MCF2L: variants seen among roughly 807,000 people sequenced by gnomAD.
The protein encoded by MCF2L is MCF.2 cell line derived transforming sequence like.
MCF2L carries 97 observed loss-of-function variants against 153.4 expected under a neutral mutation model. The observed-to-expected ratio is 0.63, with a 90% CI of 0.54 to 0.75. The LOEUF is 0.75. Among genes scored for constraint, MCF2L ranks in the 30% least tolerant of loss-of-function variants. The pLI, the probability that MCF2L is intolerant of heterozygous loss-of-function variation, is 0.00. For synonymous variants in MCF2L, 659 were observed against 632.2 expected, an observed-to-expected ratio of 1.04 and a Z score of -0.64; for missense variants, 1,347 against 1,495.2, an observed-to-expected ratio of 0.90 and a Z score of 1.64.
chr13:112,974,495 A>C (rs2140856942), intron 1 of MCF2L, among the ~76,000 whole-genome samples: 1 of 152,244 alleles, frequency 6.6e-6, no homozygotes, highest in East Asian at 1.9e-4. Flanking sequence ...TTGGGTGTGG[A>C]AAGTGCATGG....
Position 113,079,786 on chromosome 13 carries a change from C to T in MCF2L, c.1808+1047C>T, listed in dbSNP as rs201150377. 3.8e-3 allele frequency among the ~76,000 whole-genome samples: 558 copies of T among 148,186 alleles called. 13 individuals carry two copies. Among genetic ancestry groups the T allele is most frequent in the East Asian group, 0.012 (59 of 4,778 alleles). On this transcript the variant is annotated intron_variant, in intron 15 of 29. Coordinates refer to ENST00000535094, the MANE Select transcript of MCF2L (RefSeq NM_001112732.3). ...GGGTCCAAGCAGAGGGGCGTCTGCA[C>T]GGAGGAGGGTCCAGGCAGAGGAATG...
At position 112,993,211 on chromosome 13, in the gene MCF2L, G is replaced by A. The variant is rs959060241; in HGVS notation, c.80-21552G>A. Reference sequence around the variant, plus strand: ...GGGGAGGATCTGGTGATGGAGACACGATGGCACAGCCCCGGTGAAGCCACG... The same window carrying A: ...GGGGAGGATCTGGTGATGGAGACACAATGGCACAGCCCCGGTGAAGCCACG... On this transcript the variant is annotated intron_variant, in intron 1 of 29. Coordinates refer to ENST00000535094, the MANE Select transcript of MCF2L (RefSeq NM_001112732.3). The surrounding 1 kb of genome is among the most constrained non-coding windows in gnomAD (Gnocchi z 4.6). Among the ~76,000 whole-genome samples, 1 of 152,252 alleles carries A rather than the reference G, an allele frequency of 6.6e-6. No individual in the cohort carries two copies. Among genetic ancestry groups the A allele is most frequent in the Non-Finnish European group, 1.5e-5 (1 of 68,048 alleles).
At position 113,081,292 on chromosome 13, in the gene MCF2L, T is replaced by A. The variant is rs745653602; in HGVS notation, c.1875+13T>A. On this transcript the variant is annotated intron_variant, in intron 16 of 29. Transcript: ENST00000535094. ...GTGCGTCCTGGAGGTGAGGCTGGAC[T>A]CGGGGAGGGCCGACTGCCACGGGGA... The A allele has an allele frequency of 1.4e-4, 214 of 1,576,714 alleles. No homozygotes were observed. The highest frequency in any genetic ancestry group is 1.8e-4 in the Non-Finnish European group (206 of 1,162,630).
intron 3 of MCF2L, chr13:113,026,928 G>T (rs762877208): frequency 3.6e-5 from 28 of 773,696 alleles, no homozygotes; most frequent in Middle Eastern, 2.2e-4. Context: ...GAGGGGTGCC[G>T]CGGGGGTCTC....
chr13:112,965,802 C>T (rs1196713993), upstream of MCF2L: 3 of 152,218 alleles, frequency 2.0e-5, no homozygotes, highest in Non-Finnish European at 2.9e-5. Context: ...TACCTTCAGC[C>T]TCCCTCCTGG....
chr13:112,935,140 T>C (rs955761542), intron 2 of MCF2L, among the ~76,000 whole-genome samples: 7 of 152,234 alleles, frequency 4.6e-5, no homozygotes, highest in Non-Finnish European at 7.3e-5. Flanking sequence ...GGATTTAATT[T>C]TTTGACATTA....
At chr13:113,055,267 A>G (rs1463779174) in intron 4 of MCF2L, among the ~76,000 whole-genome samples, 1 of 151,720 alleles carries the variant, frequency 6.6e-6, no homozygotes, top group Non-Finnish European at 1.5e-5. Flanking sequence ...AGAGGGGGTC[A>G]TGTTTGATGC....
At chr13:112,936,279 C>CA (rs34826552) in intron 2 of MCF2L, among the ~76,000 whole-genome samples, 15,552 of 73,912 alleles carry the variant, frequency 0.21, 1,646 homozygotes, top group South Asian at 0.23. Flanking sequence ...GACTCTGTCT[C>CA]AAAAAAAAAA....
chr13:113,058,930 G>C, intron 4 of MCF2L, among the ~76,000 whole-genome samples: 1 of 152,090 alleles, frequency 6.6e-6, no homozygotes, highest in East Asian at 1.9e-4. Flanking sequence ...TTTGGGTGCT[G>C]AGTGTTTCGG....
chr13:113,005,944 C>A (rs1054067897), intron 1 of MCF2L, among the ~76,000 whole-genome samples: 1 of 152,206 alleles, frequency 6.6e-6, no homozygotes, highest in East Asian at 1.9e-4. Context: ...TTCACAACAC[C>A]CTGCACAGTG....
chr13:112,908,339 T>C (rs932505014), intron 2 of MCF2L, among the ~76,000 whole-genome samples: 4 of 152,224 alleles, frequency 2.6e-5, no homozygotes, highest in African/African-American at 9.6e-5. Flanking sequence ...CTAAATGGAC[T>C]GTTCTGAATG....
intron 1 of MCF2L, among the ~76,000 whole-genome samples, chr13:112,986,346 A>G (rs540475710): frequency 6.6e-6 from 1 of 152,296 alleles, no homozygotes; most frequent in South Asian, 2.1e-4. Context: ...CGTTCTGCAG[A>G]TGAGGAGAGT....
At position 113,074,230 on chromosome 13, in the gene MCF2L, TG is replaced by T. The variant is rs1359892827; in HGVS notation, c.997-211del. Among the ~76,000 whole-genome samples the T allele has an allele frequency of 9.9e-5, 15 of 152,190 alleles. No homozygotes were observed. Among genetic ancestry groups the T allele is most frequent in the Admixed American group, 3.9e-4 (6 of 15,284 alleles). On this transcript the variant is annotated intron_variant, in intron 9 of 29. Coordinates refer to ENST00000535094, the MANE Select transcript of MCF2L (RefSeq NM_001112732.3). The surrounding 1 kb of genome is among the most constrained non-coding windows in gnomAD (Gnocchi z 4.2). ...ATTGTTCTGCCAGTGAGGTCACTGG[TG>T]GGTAGCGTCGACCCAGAGGCCCCAC...
chr13:113,051,152 G>T (rs1007860081), intron 4 of MCF2L, among the ~76,000 whole-genome samples: 2 of 152,202 alleles, frequency 1.3e-5, no homozygotes, highest in Non-Finnish European at 2.9e-5. Flanking sequence ...AGGATCTGCA[G>T]GCTGTCTCCT....
At chr13:113,076,228 T>G (rs1232071692) in intron 12 of MCF2L, 71 bp downstream of exon 12, 1 of 1,097,240 alleles carries the variant, frequency 9.1e-7, no homozygotes, top group Admixed American at 2.8e-5. Context: ...TGTGGGAAGT[T>G]TGAAAGAATC....
rs140345378 is a variant in MCF2L at position 112,915,334 on chromosome 13, G to A, written c.169+12963G>A. Among the ~76,000 whole-genome samples the A allele has an allele frequency of 9.4e-3, 1,397 of 148,108 alleles. 18 individuals are homozygous for A. The highest frequency in any genetic ancestry group is 0.032 in the African/African-American group (1,294 of 39,902). ...TGAGGCAGGAGAATCGCTTGAACCCGGGAAGCGGAGGTTGCAGTGAGCTGA... is the reference window on the plus strand; with the variant it reads ...TGAGGCAGGAGAATCGCTTGAACCCAGGAAGCGGAGGTTGCAGTGAGCTGA... On this transcript the variant is annotated intron_variant, in intron 2 of 29. Transcript: ENST00000375608.
intron 3 of MCF2L, among the ~76,000 whole-genome samples, chr13:113,034,433 G>A (rs908473487): frequency 5.9e-5 from 9 of 152,188 alleles, no homozygotes; most frequent in African/African-American, 9.6e-5. Context: ...CACCATGCCC[G>A]GCCAGGCAGC....
Position 113,087,257 on chromosome 13 carries a change from A to G in MCF2L, c.2396A>G (p.Lys799Arg). 6.2e-7 allele frequency: 1 copy of G among 1,612,206 alleles called. No individual in the cohort carries two copies. Among genetic ancestry groups the G allele is most frequent in the Non-Finnish European group, 8.5e-7 (1 of 1,179,882 alleles). Residue 799 changes from lysine (K) to arginine (R), a missense_variant, in exon 22 of 30, where the codon AAG becomes AGG. By Grantham distance (26) the Lys-to-Arg change is conservative. Coordinates refer to ENST00000535094, the MANE Select transcript of MCF2L (RefSeq NM_001112732.3). ...TAGGGGAATCTCGGCGACCTGGGCAAGCTGCTGATGCAGGGCTCGTTCAGC... is the reference window on the plus strand; with the variant it reads ...TAGGGGAATCTCGGCGACCTGGGCAGGCTGCTGATGCAGGGCTCGTTCAGC... ...GYDGNLGDLGKLLMQGSFSVW... is the reference protein window; with the variant it reads ...GYDGNLGDLGRLLMQGSFSVW...
intron 2 of MCF2L, among the ~76,000 whole-genome samples, chr13:113,021,022 CTG>C (rs1284081231): frequency 1.3e-5 from 2 of 148,220 alleles, no homozygotes; most frequent in Non-Finnish European, 1.5e-5. Context: ...TGTATGGTAG[CTG>C]TGTATGTGCG....
Sources: allele counts gnomAD v4.1 joint callset (sites outside exome capture counted in the v4.1 genomes callset), GRCh38; gene constraint gnomAD v4.1.1; non-coding constraint Gnocchi (gnomAD v3.1); transcripts MANE v1.5; gene names NCBI Gene and HGNC (gene_info 2026-07-23, HGNC 2026-07-21).